Variants in INHBB observed in about 807,000 individuals in gnomAD.
INHBB encodes the protein inhibin beta B chain.
In INHBB, 8 loss-of-function variants were observed where a neutral mutation model predicts 28.9. The ratio of observed to expected loss-of-function variants is 0.28; its 90% confidence interval spans 0.16 to 0.50. The LOEUF is 0.50. Among genes scored for constraint, INHBB ranks in the 20% least tolerant of loss-of-function variants. The pLI is 0.98. For missense variants in INHBB, 499 were observed against 597.8 expected (o/e 0.83, Z 1.72); for synonymous variants, 293 against 262.7 (o/e 1.12, Z -1.12).
chr2:120,346,309 C>T lies in INHBB; in HGVS notation c.121C>T (p.Pro41Ser). ...CCCGCCGACGCCTGCCGCGCCGCCG[C>T]CACCCCCGCCACCCGGATCCCCGGG... Reference protein sequence around the residue: ...TPPPTPAAPPPPPPPGSPGGS... With the variant: ...TPPPTPAAPPSPPPPGSPGGS... The change falls in exon 1 of 2, where the codon CCA becomes TCA. Residue 41 changes from proline to serine, a missense_variant. Physicochemically the swap from Pro to Ser is moderately conservative, Grantham distance 74. Around this residue, in one of 2 missense-constraint regions of INHBB, gnomAD observed 385 missense variants for 415.2 expected, o/e 0.93. Coordinates refer to ENST00000295228, the MANE Select transcript of INHBB (RefSeq NM_002193.4). 7.2e-7 allele frequency: 1 copy of T among 1,379,710 alleles called. No individual in the cohort carries two copies. The allele number at this position is 1,379,710 out of a possible 1,614,324, so 85.5% of individuals were successfully genotyped here.
At chr2:120,346,746 C>T in intron 1 of INHBB, 110 bp downstream of exon 1, 2 of 1,119,530 alleles carry the variant, frequency 1.8e-6, no homozygotes, top group Non-Finnish European at 2.4e-6. Flanking sequence ...CGCCCTGGGG[C>T]AGCCTGGACT....
Position 120,349,604 on chromosome 2 carries a change from C to T in INHBB, c.954C>T (p.Asn318=), listed in dbSNP as rs61737545. 10 of 1,613,710 alleles carry T rather than the reference C, an allele frequency of 6.2e-6. No individual in the cohort carries two copies. Among genetic ancestry groups the T allele is most frequent in the East Asian group, 2.2e-5 (1 of 44,884 alleles). Reference sequence around the variant, plus strand: ...TTGACTTCCGCCTCATCGGCTGGAACGACTGGATCATAGCACCCACCGGCT... The same window carrying T: ...TTGACTTCCGCCTCATCGGCTGGAATGACTGGATCATAGCACCCACCGGCT... The part of the protein sequence containing the change: ...FFIDFRLIGW[N]DWIIAPTGYY... The change falls in exon 2 of 2, where the codon AAC becomes AAT. Residue 318 remains asparagine (N), a synonymous_variant. Coordinates refer to ENST00000295228, the MANE Select transcript of INHBB (RefSeq NM_002193.4). This position sits in a 1 kb window ranked among gnomAD's most constrained non-coding sequence, Gnocchi z 5.6.
In INHBB at chr2:120,349,487, G is replaced by T; in HGVS notation, c.837G>T (p.Gln279His). ...CGCACCGGCCCTTTGTGGTGGTGCA[G>T]GCTCGGCTGGGCGACAGCAGGCACC... ...EESHRPFVVV[Q>H]ARLGDSRHRI... Residue 279 changes from glutamine (Q) to histidine (H), a missense_variant, in exon 2 of 2, where the codon CAG (glutamine) becomes CAT (histidine). Around this residue, in one of 2 missense-constraint regions of INHBB, gnomAD observed 385 missense variants for 415.2 expected, o/e 0.93. Transcript: ENST00000295228. The surrounding 1 kb of genome is among the most constrained non-coding windows in gnomAD (Gnocchi z 5.6). 6.2e-7 allele frequency: 1 copy of T among 1,613,456 alleles called. No individual in the cohort carries two copies.
chr2:120,347,131 T>G (rs888933912), intron 1 of INHBB, among the ~76,000 whole-genome samples: 1 of 152,320 alleles, frequency 6.6e-6, no homozygotes, highest in East Asian at 1.9e-4. Flanking sequence ...GAGAGGCCCC[T>G]GGGGCCGCTT....
chr2:120,346,327 T>C lies in INHBB; in HGVS notation c.139T>C (p.Ser47Pro). 7.2e-7 allele frequency: 1 copy of C among 1,385,484 alleles called. No individual in the cohort carries two copies. The allele number at this position is 1,385,484 out of a possible 1,614,324, so 85.8% of individuals were successfully genotyped here. The change falls in exon 1 of 2, where the codon TCC (serine) becomes CCC (proline). Residue 47 changes from serine to proline, a missense_variant. Around this residue, in one of 2 missense-constraint regions of INHBB, gnomAD observed 385 missense variants for 415.2 expected, o/e 0.93. Transcript: ENST00000295228. ...AAPPPPPPPG[S>P]PGGSQDTCTS... ...GCCGCCGCCACCCCCGCCACCCGGA[T>C]CCCCGGGTGGCTCGCAGGACACCTG...
At position 120,349,913 on chromosome 2, in the gene INHBB, C is replaced by T; in HGVS notation, c.*39C>T. 6.3e-7 allele frequency: 1 copy of T among 1,575,716 alleles called. No homozygotes were observed. On this transcript the variant is annotated 3_prime_UTR_variant, in exon 2 of 2. Coordinates refer to ENST00000295228, the MANE Select transcript of INHBB (RefSeq NM_002193.4). This position sits in a 1 kb window ranked among gnomAD's most constrained non-coding sequence, Gnocchi z 5.6. ...GGGCACGGTGGTGGGGCACGGAGGGCAGTCCCGGGTGGGCTTCTTCCAGCC... is the reference window on the plus strand; with the variant it reads ...GGGCACGGTGGTGGGGCACGGAGGGTAGTCCCGGGTGGGCTTCTTCCAGCC...
Position 120,351,529 on chromosome 2 carries a change from C to G in INHBB, c.*1655C>G, listed in dbSNP as rs1243061833. On this transcript the variant is annotated 3_prime_UTR_variant, in exon 2 of 2. Coordinates refer to ENST00000295228, the MANE Select transcript of INHBB (RefSeq NM_002193.4). ...ATGAGGTGGACGTTCTGAGCAGTCCCTTGAGTGGCCTGCCAACGTTTCAGG... is the reference window on the plus strand; with the variant it reads ...ATGAGGTGGACGTTCTGAGCAGTCCGTTGAGTGGCCTGCCAACGTTTCAGG... 1 of 152,156 alleles carries G rather than the reference C, an allele frequency of 6.6e-6. No individual in the cohort carries two copies. Among genetic ancestry groups the G allele is most frequent in the African/African-American group, 2.4e-5 (1 of 41,422 alleles). The allele number at this position is 152,156 out of a possible 1,614,324, so 9.4% of individuals were successfully genotyped here. A position where few individuals can be genotyped will look rare whatever the true frequency, so the allele number is the denominator to read the frequency against.
rs1691253445 is a variant in INHBB, at chr2:120,351,286, A to G, written c.*1412A>G. ...TCTTTTTATATTTTTTATACTTGAA[A>G]TGAAATCCTTTGCTTCTTTTTTAAG... On this transcript the variant is annotated 3_prime_UTR_variant, in exon 2 of 2. Transcript: ENST00000295228. 6.6e-6 allele frequency: 1 copy of G among 152,406 alleles called. No homozygotes were observed. The highest frequency in any genetic ancestry group is 6.5e-5 in the Admixed American group (1 of 15,278). 9.4% of individuals were successfully genotyped at this position (152,406 alleles called of 1,614,324 possible).
rs1353240817 is a variant in INHBB, at chr2:120,350,912, G to A, written c.*1038G>A. ...GAGGCATTCTTGAACTGCTGAGGAT[G>A]GGGGGTGTCCCCTCAGCGGAGGCCA... On this transcript the variant is annotated 3_prime_UTR_variant, in exon 2 of 2. Coordinates refer to ENST00000295228, the MANE Select transcript of INHBB (RefSeq NM_002193.4). 1 of 152,678 alleles carries A rather than the reference G, an allele frequency of 6.5e-6. No homozygotes were observed. Among genetic ancestry groups the A allele is most frequent in the Admixed American group, 6.5e-5 (1 of 15,284 alleles). The allele number at this position is 152,678 out of a possible 1,614,324, so 9.5% of individuals were successfully genotyped here. A position where few individuals can be genotyped will look rare whatever the true frequency, so the allele number is the denominator to read the frequency against.
chr2:120,346,504 G>T lies in INHBB; in HGVS notation c.316G>T (p.Ala106Ser). Residue 106 changes from alanine to serine, a missense_variant, in exon 1 of 2, where the codon GCC becomes TCC. By Grantham distance (99) the Ala-to-Ser change is moderately conservative (BLOSUM62 1). This residue lies in a region of INHBB where 385 missense variants were observed against 415.2 expected (regional missense o/e 0.93). Coordinates refer to ENST00000295228, the MANE Select transcript of INHBB (RefSeq NM_002193.4). The part of the protein sequence containing the change: ...HAVPKAAMVT[A>S]LRKLHAGKVR... ...CGTGCCTAAGGCCGCCATGGTCACG[G>T]CCCTGCGCAAGCTGCACGCGGGCAA... is the stretch of plus-strand genomic sequence containing the variant. The T allele has an allele frequency of 6.5e-7, 1 of 1,541,658 alleles. No individual in the cohort carries two copies. Among genetic ancestry groups the T allele is most frequent in the Non-Finnish European group, 8.7e-7 (1 of 1,152,214 alleles).
At position 120,349,873 on chromosome 2, in the gene INHBB, G is replaced by T; in HGVS notation, c.1223G>T (p.Ter408LeuextTer42). The change falls in exon 2 of 2, where the codon TGA becomes TTA. Residue 408 changes from the stop codon to leucine (L), a stop_lost. Transcript: ENST00000295228. The surrounding 1 kb of genome is among the most constrained non-coding windows in gnomAD (Gnocchi z 5.6). ...NMIVEECGCA[*>L] ...ATTGTGGAGGAGTGCGGCTGCGCCT[G>T]ACAGTGCAAGGCAGGGGCACGGTGG... 6.2e-7 allele frequency: 1 copy of T among 1,607,082 alleles called. No individual in the cohort carries two copies. The highest frequency in any genetic ancestry group is 1.1e-5 in the South Asian group (1 of 90,338).
At position 120,350,777 on chromosome 2, in the gene INHBB, A is replaced by T. The variant is rs1305675555; in HGVS notation, c.*903A>T. ...AATTGTTCTAAATGGAAAGAAAAAA[A>T]GTTGCAATCTGTGCCCTTCATTGGG... On this transcript the variant is annotated 3_prime_UTR_variant, in exon 2 of 2. Transcript: ENST00000295228. 6.6e-6 allele frequency: 1 copy of T among 152,258 alleles called. No homozygotes were observed. Among genetic ancestry groups the T allele is most frequent in the Non-Finnish European group, 1.5e-5 (1 of 68,040 alleles). 9.4% of individuals were successfully genotyped at this position (152,258 alleles called of 1,614,324 possible).
At chr2:120,346,714 A>G in intron 1 of INHBB, 78 bp downstream of exon 1, 1 of 1,302,072 alleles carries the variant, frequency 7.7e-7, no homozygotes, top group Non-Finnish European at 9.9e-7. Context: ...TCCGGCTGCC[A>G]CCGCCGCCAC....
rs1217898837 is a variant in INHBB at position 120,349,885 on chromosome 2, CA to C, written c.*12del. The C allele has an allele frequency of 2.5e-6, 4 of 1,599,114 alleles. No homozygotes were observed. The South Asian group carries it at 4.5e-5, about 18-fold the overall frequency. ...TGCGGCTGCGCCTGACAGTGCAAGGCAGGGGCACGGTGGTGGGGCACGGAGG... is the reference window on the plus strand; with the variant it reads ...TGCGGCTGCGCCTGACAGTGCAAGGCGGGGCACGGTGGTGGGGCACGGAGG... On this transcript the variant is annotated 3_prime_UTR_variant, in exon 2 of 2. Coordinates refer to ENST00000295228, the MANE Select transcript of INHBB (RefSeq NM_002193.4). The surrounding 1 kb of genome is among the most constrained non-coding windows in gnomAD (Gnocchi z 5.6).
chr2:120,349,079 G>T lies in INHBB; in HGVS notation c.449-20G>T, dbSNP rs761624799. On this transcript the variant is annotated intron_variant, in intron 1 of 1. Transcript: ENST00000295228. The surrounding 1 kb of genome is among the most constrained non-coding windows in gnomAD (Gnocchi z 5.6). ...TGTTCTCCTTGAATTAACTTGGCTCGCCCTTCCCCTTTTCCGCAGATGGCC... is the reference window on the plus strand; with the variant it reads ...TGTTCTCCTTGAATTAACTTGGCTCTCCCTTCCCCTTTTCCGCAGATGGCC... 2.0e-5 allele frequency: 31 copies of T among 1,575,112 alleles called. No individual in the cohort carries two copies. The Middle Eastern group carries it at 6.8e-4, about 35-fold the overall frequency.
rs1036387513 is a variant in INHBB, at chr2:120,351,313, G to A, written c.*1439G>A. ...GAAATCCTTTGCTTCTTTTTTAAGC[G>A]AATGATTGCTTTTAATGTTTGCACT... On this transcript the variant is annotated 3_prime_UTR_variant, in exon 2 of 2. Transcript: ENST00000295228. The A allele has an allele frequency of 7.3e-5, 11 of 150,884 alleles. No individual in the cohort carries two copies. Among genetic ancestry groups the A allele is most frequent in the African/African-American group, 1.2e-4 (5 of 40,966 alleles). The allele number at this position is 150,884 out of a possible 1,614,324, so 9.3% of individuals were successfully genotyped here. A position where few individuals can be genotyped will look rare whatever the true frequency, so the allele number is the denominator to read the frequency against.
At chr2:120,346,849 C>T (rs1303988815) in intron 1 of INHBB, among the ~76,000 whole-genome samples, 1 of 152,204 alleles carries the variant, frequency 6.6e-6, no homozygotes, top group East Asian at 1.9e-4. Flanking sequence ...GCTGCCTCAA[C>T]CCCCCGCCGC....
At position 120,349,897 on chromosome 2, in the gene INHBB, G is replaced by C; in HGVS notation, c.*23G>C. On this transcript the variant is annotated 3_prime_UTR_variant, in exon 2 of 2. Transcript: ENST00000295228. This position sits in a 1 kb window ranked among gnomAD's most constrained non-coding sequence, Gnocchi z 5.6. ...TGACAGTGCAAGGCAGGGGCACGGT[G>C]GTGGGGCACGGAGGGCAGTCCCGGG... is the stretch of plus-strand genomic sequence containing the variant. 6.3e-7 allele frequency: 1 copy of C among 1,589,794 alleles called. No homozygotes were observed. The highest frequency in any genetic ancestry group is 1.1e-5 in the South Asian group (1 of 87,348).
In INHBB at chr2:120,346,231, C is replaced by T. The variant is rs1160359795; in HGVS notation, c.43C>T (p.Leu15=). The T allele has an allele frequency of 5.7e-6, 7 of 1,222,474 alleles. No individual in the cohort carries two copies. The South Asian group carries it at 1.2e-4, about 21-fold the overall frequency. 75.7% of individuals were successfully genotyped at this position (1,222,474 alleles called of 1,614,324 possible). Reference sequence around the variant, plus strand: ...TCGGGCGCTGGGGGCCGCCTGCCTTCTGCTGCTGGCGGCCGGCTGGCTGGG... The same window carrying T: ...TCGGGCGCTGGGGGCCGCCTGCCTTTTGCTGCTGGCGGCCGGCTGGCTGGG... ...PGRALGAACL[L]LLAAGWLGPE... The change falls in exon 1 of 2, where the codon CTG becomes TTG. Residue 15 remains leucine (L), a synonymous_variant. Coordinates refer to ENST00000295228, the MANE Select transcript of INHBB (RefSeq NM_002193.4).
Sources: gnomAD v4.1 joint callset for allele counts (sites outside exome capture counted in the v4.1 genomes callset) on GRCh38, gnomAD v4.1.1 for gene constraint, gnomAD v4.1.1 regional missense constraint, Gnocchi (gnomAD v3.1) non-coding constraint, MANE v1.5 for transcripts, NCBI Gene and HGNC (gene_info 2026-07-23, HGNC 2026-07-21) for gene names.